LARP1B: variants seen among roughly 807,000 people sequenced by gnomAD.
LARP1B encodes la-related protein 1B.
A neutral mutation model predicts 114.2 loss-of-function variants in LARP1B; 76 were observed. That is an observed-to-expected ratio of 0.67 (90% CI 0.55 to 0.81). The LOEUF (loss-of-function observed/expected upper bound fraction) is 0.81, where lower values mean the gene tolerates loss of function less well. Ranked by LOEUF, LARP1B falls within the 30% of genes least tolerant of loss-of-function variation. LARP1B has a pLI of 0.00. For synonymous variants in LARP1B, 345 were observed against 348.0 expected (o/e 0.99, Z 0.10); for missense variants, 1,014 against 1,075.8 (o/e 0.94, Z 0.80).
intron 10 of LARP1B, among the ~76,000 whole-genome samples, chr4:128,118,645 G>T (rs1462714676): frequency 6.6e-6 from 1 of 151,786 alleles, no homozygotes; most frequent in Non-Finnish European, 1.5e-5. Context: ...TCTGATGTTG[G>T]ACCTCCTTGA....
At chr4:128,127,416 G>T (rs1789996799) in intron 11 of LARP1B, among the ~76,000 whole-genome samples, 1 of 152,108 alleles carries the variant, frequency 6.6e-6, no homozygotes, top group African/African-American at 2.4e-5. Context: ...TGGACAAAGG[G>T]TACTGATTAA....
chr4:128,181,801 CTTTTTTTTTTTTT>C (rs34136994), intron 15 of LARP1B, among the ~76,000 whole-genome samples: 4 of 77,170 alleles, frequency 5.2e-5, no homozygotes, highest in Admixed American at 1.7e-4. Flanking sequence ...TTATGATGTC[CTTTTTTTTTTTTT>C]TTTTTTTTTG....
intron 11 of LARP1B, among the ~76,000 whole-genome samples, chr4:128,158,426 A>G (rs1736846518): frequency 1.3e-5 from 2 of 152,230 alleles, no homozygotes; most frequent in African/African-American, 4.8e-5. Context: ...AGGAAGCACA[A>G]TGAAGGAAAT....
At chr4:128,153,719 A>C (rs1734039850) in intron 11 of LARP1B, among the ~76,000 whole-genome samples, 1 of 152,140 alleles carries the variant, frequency 6.6e-6, no homozygotes. Flanking sequence ...GTTTTTATTT[A>C]TTAACTGTAT....
chr4:128,113,156 T>C (rs1784673175), intron 9 of LARP1B, among the ~76,000 whole-genome samples: 1 of 152,162 alleles, frequency 6.6e-6, no homozygotes, highest in Admixed American at 6.6e-5. Flanking sequence ...TAAATTTTAT[T>C]GTGTATATTT....
At position 128,202,384 on chromosome 4, in the gene LARP1B, GTAATTCATACATATGAATT is replaced by G. The variant is rs539397373; in HGVS notation, c.2309+1730_2309+1748del. On this transcript the variant is annotated intron_variant, in intron 17 of 19. Transcript: ENST00000326639. Reference sequence around the variant, plus strand: ...AAAATACCAGACTGCACTGAGCATAGTAATTCATACATATGAATTTAATTCATACCCATATACATACAAA... The same window carrying G: ...AAAATACCAGACTGCACTGAGCATAGTAATTCATACCCATATACATACAAA... Among the ~76,000 whole-genome samples the G allele has an allele frequency of 1.6e-3, 238 of 152,258 alleles. 2 individuals are homozygous for G. The East Asian group carries it at 0.03, about 19-fold the overall frequency.
intron 7 of LARP1B, among the ~76,000 whole-genome samples, chr4:128,092,543 T>C (rs1776276926): frequency 2.0e-5 from 3 of 152,214 alleles, no homozygotes; most frequent in African/African-American, 7.2e-5. Context: ...ACCAATTTGT[T>C]AAAACTTGAA....
chr4:128,178,746 T>A, intron 14 of LARP1B, 104 bp downstream of exon 14: 1 of 862,944 alleles, frequency 1.2e-6, no homozygotes, highest in Non-Finnish European at 1.8e-6. Flanking sequence ...GTGTTATAAC[T>A]TGTAATATTT....
chr4:128,109,967 A>G (rs1387619641), intron 9 of LARP1B, among the ~76,000 whole-genome samples: 1 of 152,102 alleles, frequency 6.6e-6, no homozygotes, highest in African/African-American at 2.4e-5. Context: ...ACAGTGGCGC[A>G]GTCTCGGCTC....
chr4:128,113,781 CTT>C (rs1156610852), intron 9 of LARP1B, among the ~76,000 whole-genome samples: 2,025 of 114,000 alleles, frequency 0.018, 19 homozygotes, highest in African/African-American at 0.067. Context: ...GACATTTACT[CTT>C]TTTTTTTTTT....
intron 8 of LARP1B, among the ~76,000 whole-genome samples, chr4:128,098,765 ATATTTTTTTTTT>A (rs1219184191): frequency 2.7e-4 from 9 of 32,840 alleles, no homozygotes; most frequent in African/African-American, 9.8e-4. Flanking sequence ...ATATATATAT[ATATTTTTTTTTT>A]TTTTTTTTTT....
intron 11 of LARP1B, among the ~76,000 whole-genome samples, chr4:128,156,634 T>TG (rs1735801582): frequency 6.6e-6 from 1 of 151,338 alleles, no homozygotes; most frequent in African/African-American, 2.4e-5. Context: ...CCAGCCCCAC[T>TG]GCCAGCAGCA....
rs1758866232 is a variant in LARP1B at position 128,210,901 on chromosome 4, T to G, written c.*848T>G. ...TAATTAAATCTTGCACTGTTTTGAATGCATCTGCTATTTATACATCTGCAA... is the reference window on the plus strand; with the variant it reads ...TAATTAAATCTTGCACTGTTTTGAAGGCATCTGCTATTTATACATCTGCAA... On this transcript the variant is annotated 3_prime_UTR_variant, in exon 20 of 20. Coordinates refer to ENST00000326639, the MANE Select transcript of LARP1B (RefSeq NM_018078.4). The G allele has an allele frequency of 1.0e-6, 1 of 978,634 alleles. No individual in the cohort carries two copies. The highest frequency in any genetic ancestry group is 1.2e-6 in the Non-Finnish European group (1 of 823,798). The allele number at this position is 978,634 out of a possible 1,614,324, so 60.6% of individuals were successfully genotyped here. A position where few individuals can be genotyped will look rare whatever the true frequency, so the allele number is the denominator to read the frequency against.
intron 1 of LARP1B, among the ~76,000 whole-genome samples, chr4:128,073,590 T>TTTTGTA (rs1766504389): frequency 2.2e-5 from 1 of 46,444 alleles, no homozygotes; most frequent in African/African-American, 7.3e-5. Context: ...TTTTTTTTTT[T>TTTTGTA]TTTTTTTTTT....
chr4:128,066,215 C>G (rs569854503), intron 1 of LARP1B, among the ~76,000 whole-genome samples: 1 of 125,908 alleles, frequency 7.9e-6, no homozygotes, highest in Non-Finnish European at 1.6e-5. Flanking sequence ...CTCGCTCTGT[C>G]GCCCAGGCTG....
chr4:128,075,698 C>A lies in LARP1B; in HGVS notation c.42+705C>A, dbSNP rs189041895. On this transcript the variant is annotated intron_variant, in intron 3 of 19. Transcript: ENST00000326639. ...AGTGACTGGGACTACAGGTGTGTGC[C>A]ACCACACTGGGAGATTTTTAAACTT... 3.1e-3 allele frequency among the ~76,000 whole-genome samples: 472 copies of A among 152,082 alleles called. 4 individuals are homozygous for A. Among genetic ancestry groups the A allele is most frequent in the African/African-American group, 0.011 (451 of 41,512 alleles).
At chr4:128,220,006 C>G (rs1759880588) in intron 6 of LARP1B, among the ~76,000 whole-genome samples, 7 of 152,148 alleles carry the variant, frequency 4.6e-5, no homozygotes, top group Admixed American at 3.9e-4. Context: ...CTGCCTCAGC[C>G]TCCTGAGTAG....
At chr4:128,191,622 A>G (rs555339203) in intron 15 of LARP1B, among the ~76,000 whole-genome samples, 1 of 152,166 alleles carries the variant, frequency 6.6e-6, no homozygotes, top group Non-Finnish European at 1.5e-5. Context: ...CTCATGGATC[A>G]TACCTCCTAC....
chr4:128,109,369 A>G (rs1170986694), intron 9 of LARP1B, among the ~76,000 whole-genome samples: 3 of 152,196 alleles, frequency 2.0e-5, no homozygotes, highest in East Asian at 1.9e-4. Flanking sequence ...AGGGATTTGT[A>G]TGGTAAAATA....
Sources: allele counts gnomAD v4.1 joint callset (sites outside exome capture counted in the v4.1 genomes callset), GRCh38; gene constraint gnomAD v4.1.1; transcripts MANE v1.5; gene names NCBI Gene and HGNC (gene_info 2026-07-23, HGNC 2026-07-21).